Variants in PTPRD observed in about 807,000 individuals in gnomAD.
The protein encoded by PTPRD is receptor-type tyrosine-protein phosphatase delta.
PTPRD carries 34 observed loss-of-function variants against 214.5 expected under a neutral mutation model. That is an observed-to-expected ratio of 0.16 (90% CI 0.12 to 0.21). PTPRD has a LOEUF of 0.21. Among genes scored for constraint, PTPRD ranks in the 10% least tolerant of loss-of-function variants. The pLI is 1.00. For synonymous variants in PTPRD, 1,128 were observed against 845.7 expected, an observed-to-expected ratio of 1.33 and a Z score of -5.79; for missense variants, 2,545 against 2,398.7, an observed-to-expected ratio of 1.06 and a Z score of -1.27.
chr9:10,396,500 G>C (rs1021063786), intron 2 of PTPRD, among the ~76,000 whole-genome samples: 1 of 151,824 alleles, frequency 6.6e-6, no homozygotes, highest in African/African-American at 2.4e-5. Flanking sequence ...TTCTCCCCCA[G>C]TTCTATTCTT....
At chr9:10,151,321 G>T (rs1254683391) in intron 3 of PTPRD, among the ~76,000 whole-genome samples, 2 of 129,882 alleles carry the variant, frequency 1.5e-5, no homozygotes, top group African/African-American at 5.9e-5. Flanking sequence ...AGAGTACAGT[G>T]GTGCGATCTC....
intron 12 of PTPRD, among the ~76,000 whole-genome samples, chr9:8,693,124 T>TTG (rs1471183376): frequency 6.6e-6 from 1 of 152,216 alleles, no homozygotes; most frequent in African/African-American, 2.4e-5. Flanking sequence ...GGATACTTGC[T>TTG]CGTGTCCTTT....
In PTPRD at chr9:9,711,225, T is replaced by G. The variant is rs184944788; in HGVS notation, c.-287+23308A>C. Among the ~76,000 whole-genome samples, 16 of 152,234 alleles carry G rather than the reference T, an allele frequency of 1.1e-4. No individual in the cohort carries two copies. The East Asian group carries it at 2.9e-3, about 28-fold the overall frequency. On this transcript the variant is annotated intron_variant, in intron 7 of 45. Transcript: ENST00000381196. ...TTTAAGTGCTTGAATCTTTAAAAAA[T>G]GCAGTGATGTGTTTGTGAGCAGAAA...
intron 7 of PTPRD, among the ~76,000 whole-genome samples, chr9:9,599,898 G>T (rs946604525): frequency 5.1e-4 from 78 of 151,890 alleles, no homozygotes; most frequent in African/African-American, 1.9e-3. Context: ...TCAATTTAAG[G>T]ATATTAAAGA....
intron 10 of PTPRD, among the ~76,000 whole-genome samples, chr9:9,082,553 G>T (rs1329635092): frequency 1.3e-5 from 2 of 152,170 alleles, no homozygotes; most frequent in African/African-American, 4.8e-5. Flanking sequence ...TCCGGCCAGG[G>T]AAATCAGGCA....
At chr9:8,461,440 T>G (rs2134210307) in intron 32 of PTPRD, among the ~76,000 whole-genome samples, 1 of 152,106 alleles carries the variant, frequency 6.6e-6, no homozygotes, top group Non-Finnish European at 1.5e-5. Context: ...TTTAGTTCTG[T>G]CCTATTTTAG....
chr9:9,905,859 A>C, intron 5 of PTPRD, among the ~76,000 whole-genome samples: 1 of 152,046 alleles, frequency 6.6e-6, no homozygotes, highest in Non-Finnish European at 1.5e-5. Context: ...CCTAAGGTAT[A>C]AGTGCAAACT....
At chr9:9,719,445 G>A (rs562775069) in intron 7 of PTPRD, among the ~76,000 whole-genome samples, 3 of 152,234 alleles carry the variant, frequency 2.0e-5, no homozygotes, top group South Asian at 4.1e-4. Flanking sequence ...TGAACCTTCT[G>A]GGGGCTCAGA....
chr9:10,460,743 A>G (rs2098952552), intron 2 of PTPRD, among the ~76,000 whole-genome samples: 1 of 152,138 alleles, frequency 6.6e-6, no homozygotes, highest in Non-Finnish European at 1.5e-5. Flanking sequence ...ATCAACTCAA[A>G]ATGGATGAGA....
At chr9:10,278,535 A>G (rs1478207323) in intron 3 of PTPRD, among the ~76,000 whole-genome samples, 1 of 152,150 alleles carries the variant, frequency 6.6e-6, no homozygotes, top group Non-Finnish European at 1.5e-5. Flanking sequence ...GCAGAACAGG[A>G]AAGAAAGAAC....
chr9:9,391,877 T>C (rs1283395196), intron 9 of PTPRD, among the ~76,000 whole-genome samples: 1 of 152,196 alleles, frequency 6.6e-6, no homozygotes, highest in Non-Finnish European at 1.5e-5. Context: ...TTGGAATGTA[T>C]CTCAAAATTT....
intron 12 of PTPRD, among the ~76,000 whole-genome samples, chr9:8,662,466 G>C (rs1315851774): frequency 6.6e-6 from 1 of 152,170 alleles, no homozygotes; most frequent in African/African-American, 2.4e-5. Flanking sequence ...GGGAAGAGAT[G>C]ACATACAACT....
At chr9:8,372,560 G>C (rs1038676159) in intron 39 of PTPRD, among the ~76,000 whole-genome samples, 5 of 152,008 alleles carry the variant, frequency 3.3e-5, no homozygotes, top group African/African-American at 1.2e-4. Flanking sequence ...TATCTCTCCA[G>C]AGTGTGTACT....
intron 8 of PTPRD, among the ~76,000 whole-genome samples, chr9:9,459,393 G>A (rs2093418418): frequency 6.6e-6 from 1 of 151,980 alleles, no homozygotes; most frequent in South Asian, 2.1e-4. Context: ...CATCTAAATT[G>A]GAAGAGAGAA....
chr9:9,747,230 C>A (rs909315808), intron 6 of PTPRD, among the ~76,000 whole-genome samples: 2 of 133,418 alleles, frequency 1.5e-5, no homozygotes, highest in African/African-American at 3.0e-5. Flanking sequence ...TGGGGATGCA[C>A]ATTTCAGGAC....
chr9:9,907,754 T>C (rs1379836070), intron 5 of PTPRD, among the ~76,000 whole-genome samples: 2 of 151,928 alleles, frequency 1.3e-5, no homozygotes, highest in Admixed American at 1.3e-4. Context: ...ATTTACACAA[T>C]TAATCATACA....
intron 10 of PTPRD, among the ~76,000 whole-genome samples, chr9:9,182,124 C>A (rs1238514161): frequency 6.6e-6 from 1 of 151,956 alleles, no homozygotes; most frequent in African/African-American, 2.4e-5. Flanking sequence ...ATGATGAACC[C>A]CCATGGAAAC....
intron 2 of PTPRD, among the ~76,000 whole-genome samples, chr9:10,409,766 T>C (rs1434024592): frequency 6.6e-6 from 1 of 151,768 alleles, no homozygotes; most frequent in Non-Finnish European, 1.5e-5. Flanking sequence ...GCTTTCAAGG[T>C]GTGTTTCTAT....
chr9:10,139,680 C>T (rs574348770), intron 3 of PTPRD, among the ~76,000 whole-genome samples: 2 of 152,076 alleles, frequency 1.3e-5, no homozygotes, highest in South Asian at 4.2e-4. Flanking sequence ...AAGGCTAGGA[C>T]AAAAACCAGA....
Sources: gnomAD v4.1 joint callset for allele counts (sites outside exome capture counted in the v4.1 genomes callset) on GRCh38, gnomAD v4.1.1 for gene constraint, MANE v1.5 for transcripts, NCBI Gene and HGNC (gene_info 2026-07-23, HGNC 2026-07-21) for gene names.